The following PKP1 variants were observed in gnomAD, a reference collection of about 807,000 sequenced individuals.
PKP1 encodes plakophilin-1.
PKP1 carries 27 observed loss-of-function variants against 76.4 expected under a neutral mutation model. That is an observed-to-expected ratio of 0.35 (90% CI 0.26 to 0.49). PKP1 has a LOEUF of 0.49. Among genes scored for constraint, PKP1 ranks in the 20% least tolerant of loss-of-function variants. PKP1 has a pLI of 0.99. For missense variants in PKP1, 964 were observed against 955.2 expected (o/e 1.01, Z -0.12); for synonymous variants, 404 against 384.2 (o/e 1.05, Z -0.60).
chr1:201,320,483 TC>T (rs1656906446), intron 7 of PKP1, 102 bp downstream of exon 7: 1 of 767,310 alleles, frequency 1.3e-6, no homozygotes, highest in South Asian at 1.5e-5. Flanking sequence ...GAGCACAGAC[TC>T]AGGGGTGGTA....
At chr1:201,298,488 T>C (rs1656135043) in intron 2 of PKP1, among the ~76,000 whole-genome samples, 2 of 152,124 alleles carry the variant, frequency 1.3e-5, no homozygotes, top group Non-Finnish European at 2.9e-5. Context: ...TCCTACCAAG[T>C]AAAAAGTTCT....
At chr1:201,300,245 C>T (rs1457047968) in intron 2 of PKP1, among the ~76,000 whole-genome samples, 3 of 152,228 alleles carry the variant, frequency 2.0e-5, no homozygotes, top group Admixed American at 6.5e-5. Flanking sequence ...AGGAGCATGC[C>T]GTGTGCTTTC....
intron 6 of PKP1, chr1:201,319,847 C>T (rs749251560): frequency 1.0e-4 from 169 of 1,614,014 alleles, no homozygotes; most frequent in Non-Finnish European, 1.3e-4. Context: ...GCTTCTGGCT[C>T]TTGTTCCGCA....
intron 6 of PKP1, chr1:201,319,937 T>C (rs1285392449): frequency 9.1e-6 from 14 of 1,546,506 alleles, no homozygotes; most frequent in Non-Finnish European, 1.3e-5. Flanking sequence ...TTGCCAGTTA[T>C]AAAGTTACTG....
intron 1 of PKP1, among the ~76,000 whole-genome samples, chr1:201,287,208 G>A (rs1246188005): frequency 1.3e-5 from 2 of 152,172 alleles, no homozygotes; most frequent in Non-Finnish European, 2.9e-5. Flanking sequence ...TCTCTGATCA[G>A]AGGTAGGGGC....
At chr1:201,288,381 C>T (rs1655799970) in intron 1 of PKP1, among the ~76,000 whole-genome samples, 2 of 152,190 alleles carry the variant, frequency 1.3e-5, no homozygotes, top group African/African-American at 4.8e-5. Flanking sequence ...TTCTCATCCA[C>T]TCTTCTCAAA....
rs149146601 is a variant in PKP1, at chr1:201,331,853, G to T, written c.*1812G>T. On this transcript the variant is annotated 3_prime_UTR_variant, in exon 14 of 14. Coordinates refer to ENST00000367324, the MANE Select transcript of PKP1 (RefSeq NM_001005337.3). ...GTTCACACTGGGAGGCCCACTCCTGGCTCACCTCTCCCTCTCAGGGACCCA... is the reference window on the plus strand; with the variant it reads ...GTTCACACTGGGAGGCCCACTCCTGTCTCACCTCTCCCTCTCAGGGACCCA... 6.6e-6 allele frequency: 1 copy of T among 152,474 alleles called. No individual in the cohort carries two copies. The highest frequency in any genetic ancestry group is 1.5e-5 in the Non-Finnish European group (1 of 68,162). 9.4% of individuals were successfully genotyped at this position (152,474 alleles called of 1,614,324 possible). A position where few individuals can be genotyped will look rare whatever the true frequency, so the allele number is the denominator to read the frequency against.
At chr1:201,304,534 A>T (rs544753075) in intron 2 of PKP1, among the ~76,000 whole-genome samples, 1 of 152,304 alleles carries the variant, frequency 6.6e-6, no homozygotes, top group African/African-American at 2.4e-5. Flanking sequence ...GGGCATTAGA[A>T]TTGTGACACA....
chr1:201,324,515 G>A lies in PKP1; in HGVS notation c.1768G>A (p.Val590Met). The A allele has an allele frequency of 6.2e-7, 1 of 1,614,150 alleles. No individual in the cohort carries two copies. Among genetic ancestry groups the A allele is most frequent in the South Asian group, 1.1e-5 (1 of 91,070 alleles). The change falls in exon 10 of 14, where the codon GTG becomes ATG. Residue 590 changes from valine to methionine, a missense_variant. By Grantham distance (21) the Val-to-Met change is conservative. Coordinates refer to ENST00000367324, the MANE Select transcript of PKP1 (RefSeq NM_001005337.3). ...ARLLQSGNSDVVRSGASLLSN... is the reference protein window; with the variant it reads ...ARLLQSGNSDMVRSGASLLSN... ...CCTCCTGCAATCTGGCAACTCTGAT[G>A]TGGTGCGGTCCGGAGCCTCCCTCCT...
At chr1:201,285,363 C>T (rs937305027) in intron 1 of PKP1, among the ~76,000 whole-genome samples, 3 of 151,900 alleles carry the variant, frequency 2.0e-5, no homozygotes, top group African/African-American at 2.4e-5. Context: ...GGAAAATGGC[C>T]GGCAGAGGAC....
chr1:201,294,012 G>T lies in PKP1; in HGVS notation c.273G>T (p.Lys91Asn). 1 of 1,613,668 alleles carries T rather than the reference G, an allele frequency of 6.2e-7. No individual in the cohort carries two copies. Among genetic ancestry groups the T allele is most frequent in the Non-Finnish European group, 8.5e-7 (1 of 1,179,624 alleles). Residue 91 changes from lysine (K) to asparagine (N), a missense_variant, in exon 2 of 14, where the codon AAG becomes AAT. Transcript: ENST00000367324. Reference sequence around the variant, plus strand: ...CCAGCAGGAGCAGCTACTACTCCAAGTTCCAGGCAGGGAATGGCTCATGGG... The same window carrying T: ...CCAGCAGGAGCAGCTACTACTCCAATTTCCAGGCAGGGAATGGCTCATGGG... ...GTTSRSSYYSKFQAGNGSWGY... is the reference protein window; with the variant it reads ...GTTSRSSYYSNFQAGNGSWGY...
At chr1:201,326,688 A>G (rs1217503191) in intron 12 of PKP1, among the ~76,000 whole-genome samples, 2 of 152,232 alleles carry the variant, frequency 1.3e-5, no homozygotes, top group African/African-American at 4.8e-5. Flanking sequence ...ATGGGAGTCC[A>G]GGCTGGAGGT....
intron 12 of PKP1, among the ~76,000 whole-genome samples, chr1:201,327,068 C>A (rs1649043643): frequency 6.6e-6 from 1 of 152,182 alleles, no homozygotes; most frequent in Admixed American, 6.5e-5. Context: ...GCAAGGGGAG[C>A]CCCATGGGGC....
rs756371390 is a variant in PKP1 at position 201,318,628 on chromosome 1, G to C, written c.1065G>C (p.Trp355Cys). The change falls in exon 6 of 14, where the codon TGG becomes TGC. Residue 355 changes from tryptophan to cysteine, a missense_variant. Transcript: ENST00000367324. ...EIQKQLTGLL[W>C]NLSSTDELKE... ...GTCTCTGACCCCCAGGGCTGCTCTG[G>C]AACCTGTCTTCCACTGACGAGCTGA... The C allele has an allele frequency of 3.7e-5, 59 of 1,612,026 alleles. No homozygotes were observed. The Admixed American group carries it at 7.3e-4, about 20-fold the overall frequency.
At position 201,324,444 on chromosome 1, in the gene PKP1, G is replaced by A; in HGVS notation, c.1697G>A (p.Ser566Asn). The A allele has an allele frequency of 6.2e-7, 1 of 1,614,156 alleles. No individual in the cohort carries two copies. The highest frequency in any genetic ancestry group is 8.5e-7 in the Non-Finnish European group (1 of 1,180,018). Reference protein sequence around the residue: ...ASKGLMSSGMSQLIGLKEKGL... With the variant: ...ASKGLMSSGMNQLIGLKEKGL... ...CTCTCTTAGATGTCCAGTGGCATGA[G>A]CCAGTTGATTGGGCTGAAGGAAAAG... Residue 566 changes from serine to asparagine, a missense_variant, in exon 10 of 14, where the codon AGC becomes AAC. By Grantham distance (46) the Ser-to-Asn change is conservative. Transcript: ENST00000367324.
rs897380411 is a variant in PKP1, at chr1:201,316,852, T to C, written c.846+155T>C. Among the ~76,000 whole-genome samples the C allele has an allele frequency of 5.9e-5, 9 of 152,226 alleles. No homozygotes were observed. In the East Asian group the frequency reaches 1.7e-3, roughly 29 times the overall value. On this transcript the variant is annotated intron_variant, in intron 4 of 13. Transcript: ENST00000367324. ...CCTTCGCATTGCCCAAGGTTAGAGC[T>C]GGGCATCTTAACTTTCTGCAGAGCA...
intron 6 of PKP1, chr1:201,319,900 C>G (rs202026032): frequency 1.2e-6 from 2 of 1,613,030 alleles, no homozygotes; most frequent in Non-Finnish European, 8.5e-7. Context: ...GATGCAGCTG[C>G]GGAGGGACCG....
rs1169732010 is a variant in PKP1, at chr1:201,313,251, C to T, written c.392C>T (p.Pro131Leu). The T allele has an allele frequency of 6.2e-7, 1 of 1,604,944 alleles. No individual in the cohort carries two copies. Among genetic ancestry groups the T allele is most frequent in the Middle Eastern group, 1.7e-4 (1 of 6,050 alleles). Residue 131 changes from proline to leucine, a missense_variant, in exon 3 of 14, where the codon CCC becomes CTC. By Grantham distance (98) the Pro-to-Leu change is moderately conservative. Coordinates refer to ENST00000367324, the MANE Select transcript of PKP1 (RefSeq NM_001005337.3). ...SQMENWSRHY[P>L]RGSCNTTGAG... ...ATGGAGAACTGGAGCCGGCACTACC[C>T]CCGGGGCAGCTGTAACACCACCGGC...
Position 201,283,781 on chromosome 1 carries a change from T to C in PKP1, c.79T>C (p.Ser27Pro). ...DQDNSTLALP[S>P]DQKMKTGTSG... is the part of the protein sequence containing the mutation. ...GGACAACTCCACGTTGGCTTTGCCG[T>C]CGGACCAAAAGATGAAAACAGGCAC... The change falls in exon 1 of 14, where the codon TCG becomes CCG. Residue 27 changes from serine to proline, a missense_variant. Physicochemically the swap from Ser to Pro is moderately conservative, Grantham distance 74 (BLOSUM62 -1). Coordinates refer to ENST00000367324, the MANE Select transcript of PKP1 (RefSeq NM_001005337.3). The C allele has an allele frequency of 6.2e-7, 1 of 1,614,138 alleles. No homozygotes were observed. The highest frequency in any genetic ancestry group is 8.5e-7 in the Non-Finnish European group (1 of 1,179,992).
Sources: allele counts gnomAD v4.1 joint callset (sites outside exome capture counted in the v4.1 genomes callset), GRCh38; gene constraint gnomAD v4.1.1; transcripts MANE v1.5; gene names NCBI Gene and HGNC (gene_info 2026-07-23, HGNC 2026-07-21).